Variants in BRINP3 observed in about 807,000 individuals in gnomAD.
BRINP3 encodes the protein BMP/retinoic acid-inducible neural-specific protein 3.
BRINP3 carries 19 observed loss-of-function variants against 71.0 expected under a neutral mutation model. The observed-to-expected ratio is 0.27, with a 90% confidence interval of 0.19 to 0.39. The LOEUF (loss-of-function observed/expected upper bound fraction) is 0.39. BRINP3 is among the 10% of genes least tolerant of loss of function. The pLI is 1.00. For synonymous variants in BRINP3, 380 were observed against 337.7 expected (o/e 1.13, Z -1.37); for missense variants, 959 against 940.8 (o/e 1.02, Z -0.25).
chr1:190,453,203 A>ATTTGTTTTTT (rs1675744954), intron 2 of BRINP3, among the ~76,000 whole-genome samples: 1 of 40,888 alleles, frequency 2.4e-5, no homozygotes, highest in Non-Finnish European at 4.2e-5. Context: ...AAACTTTAGT[A>ATTTGTTTTTT]TTTTTTTTTT....
chr1:190,303,715 A>G (rs1214353028), intron 2 of BRINP3, among the ~76,000 whole-genome samples: 2 of 151,818 alleles, frequency 1.3e-5, no homozygotes, highest in African/African-American at 4.8e-5. Flanking sequence ...CACTGAATTC[A>G]CTCAACTAAA....
intron 7 of BRINP3, among the ~76,000 whole-genome samples, chr1:190,147,860 T>C (rs879664327): frequency 3.3e-5 from 5 of 152,188 alleles, no homozygotes; most frequent in Non-Finnish European, 7.3e-5. Flanking sequence ...AAAGAGCCGG[T>C]GGCCATGTCT....
At chr1:190,163,832 T>G (rs1651236338) in intron 6 of BRINP3, among the ~76,000 whole-genome samples, 1 of 152,104 alleles carries the variant, frequency 6.6e-6, no homozygotes, top group Admixed American at 6.6e-5. Flanking sequence ...AGTTAACACT[T>G]GATAACCAAT....
intron 6 of BRINP3, among the ~76,000 whole-genome samples, chr1:190,212,849 C>A (rs1469444236): frequency 6.6e-6 from 1 of 152,074 alleles, no homozygotes; most frequent in Non-Finnish European, 1.5e-5. Flanking sequence ...CTCCAGCTAA[C>A]CTGTGGTGGG....
chr1:190,262,309 C>T (rs1322855433), intron 4 of BRINP3, among the ~76,000 whole-genome samples: 1 of 152,020 alleles, frequency 6.6e-6, no homozygotes, highest in Non-Finnish European at 1.5e-5. Flanking sequence ...AGGAAATTCC[C>T]CTGAGGTCTA....
intron 4 of BRINP3, among the ~76,000 whole-genome samples, chr1:190,254,988 T>C (rs149257437): frequency 0.024 from 3,687 of 152,292 alleles, 76 homozygotes; most frequent in South Asian, 0.1. Flanking sequence ...GAAGCGTTGT[T>C]GAATTTTGTC....
intron 5 of BRINP3, among the ~76,000 whole-genome samples, chr1:190,230,752 G>T (rs1318795536): frequency 6.6e-6 from 1 of 151,296 alleles, no homozygotes; most frequent in South Asian, 2.1e-4. Flanking sequence ...AAAAAGAATT[G>T]TTCCTGAAAT....
At chr1:190,349,236 C>A (rs1361415975) in intron 2 of BRINP3, among the ~76,000 whole-genome samples, 1 of 151,962 alleles carries the variant, frequency 6.6e-6, no homozygotes, top group Non-Finnish European at 1.5e-5. Context: ...AAGAACACAC[C>A]AAAATTGGAT....
At chr1:190,409,874 A>C (rs368796679) in intron 2 of BRINP3, among the ~76,000 whole-genome samples, 90 of 152,266 alleles carry the variant, frequency 5.9e-4, no homozygotes, top group Middle Eastern at 3.4e-3. Flanking sequence ...AGGCAGAGAA[A>C]AATAAGACAA....
At chr1:190,403,907 C>A (rs1410210666) in intron 2 of BRINP3, among the ~76,000 whole-genome samples, 2 of 152,124 alleles carry the variant, frequency 1.3e-5, no homozygotes, top group Non-Finnish European at 2.9e-5. Context: ...AAATCCTTGG[C>A]TCAGATAGCA....
chr1:190,223,776 C>A (rs1657089909), intron 6 of BRINP3, among the ~76,000 whole-genome samples: 1 of 151,752 alleles, frequency 6.6e-6, no homozygotes, highest in African/African-American at 2.4e-5. Flanking sequence ...CTAGAAAAAA[C>A]CTCAATAAAA....
intron 2 of BRINP3, among the ~76,000 whole-genome samples, chr1:190,378,422 A>T (rs1670316157): frequency 6.6e-6 from 1 of 152,194 alleles, no homozygotes; most frequent in South Asian, 2.1e-4. Context: ...CCATGGGGTT[A>T]TCTATTCCTC....
intron 7 of BRINP3, among the ~76,000 whole-genome samples, chr1:190,142,561 A>C (rs1291211790): frequency 6.6e-6 from 1 of 152,150 alleles, no homozygotes; most frequent in Non-Finnish European, 1.5e-5. Context: ...ACAAAGGTAT[A>C]GTTTATCTTG....
intron 2 of BRINP3, among the ~76,000 whole-genome samples, chr1:190,285,342 C>T (rs1284474096): frequency 6.6e-6 from 1 of 152,118 alleles, no homozygotes; most frequent in East Asian, 1.9e-4. Flanking sequence ...GAATTGTGAG[C>T]ATGTATGTAT....
chr1:190,225,208 A>G (rs1307580998), intron 6 of BRINP3, among the ~76,000 whole-genome samples: 6 of 152,004 alleles, frequency 3.9e-5, no homozygotes, highest in African/African-American at 1.4e-4. Context: ...CAATAACCAA[A>G]TACGGATTCA....
chr1:190,446,398 A>T (rs79982143), intron 2 of BRINP3, among the ~76,000 whole-genome samples: 1,744 of 152,194 alleles, frequency 0.011, 36 homozygotes, highest in African/African-American at 0.039. Flanking sequence ...TAGGGTAAAA[A>T]GCTTCCTTCT....
At chr1:190,147,017 G>T (rs903968079) in intron 7 of BRINP3, among the ~76,000 whole-genome samples, 1 of 151,828 alleles carries the variant, frequency 6.6e-6, no homozygotes, top group African/African-American at 2.4e-5. Context: ...TACATATTTT[G>T]ATATCCTTGT....
chr1:190,445,193 T>C (rs1046757808), intron 2 of BRINP3, among the ~76,000 whole-genome samples: 1 of 152,106 alleles, frequency 6.6e-6, no homozygotes, highest in Non-Finnish European at 1.5e-5. Flanking sequence ...ACTTGCTACT[T>C]CTATAAAGAT....
rs188985438 is a variant in BRINP3, at chr1:190,394,938, T to C, written c.236+59717A>G. On this transcript the variant is annotated intron_variant, in intron 2 of 7. Transcript: ENST00000367462. Reference sequence around the variant, plus strand: ...TTGCACCATTTCGGAGGTATTTTTATAGTGTGAAGAGAATGTCATTTTTCA... The same window carrying C: ...TTGCACCATTTCGGAGGTATTTTTACAGTGTGAAGAGAATGTCATTTTTCA... Among the ~76,000 whole-genome samples, 12 of 151,818 alleles carry C rather than the reference T, an allele frequency of 7.9e-5. No homozygotes were observed. The East Asian group carries it at 2.3e-3, about 29-fold the overall frequency.
Sources: allele counts gnomAD v4.1 joint callset (sites outside exome capture counted in the v4.1 genomes callset), GRCh38; gene constraint gnomAD v4.1.1; transcripts MANE v1.5; gene names NCBI Gene and HGNC (gene_info 2026-07-23, HGNC 2026-07-21).